Variants in POLR2D observed in about 807,000 individuals in gnomAD.
POLR2D encodes RNA polymerase II subunit D.
A neutral mutation model predicts 17.6 loss-of-function variants in POLR2D; 10 were observed. That is an observed-to-expected ratio of 0.57 (90% CI 0.35 to 0.96). POLR2D has a LOEUF of 0.96. Ranked by LOEUF, POLR2D falls within the 40% of genes least tolerant of loss-of-function variation. The pLI is 0.02. For synonymous variants in POLR2D, 52 were observed against 60.2 expected (o/e 0.86, Z 0.63); for missense variants, 126 against 176.4 (o/e 0.71, Z 1.62).
intron 1 of POLR2D, among the ~76,000 whole-genome samples, chr2:127,855,001 C>CA (rs58280789): frequency 0.13 from 9,287 of 69,616 alleles, 459 homozygotes; most frequent in African/African-American, 0.17. Context: ...GACATCAGGC[C>CA]AAAAAAAAAA....
At chr2:127,851,390 A>G (rs1032444228) in intron 2 of POLR2D, among the ~76,000 whole-genome samples, 1 of 152,108 alleles carries the variant, frequency 6.6e-6, no homozygotes, top group Non-Finnish European at 1.5e-5. Flanking sequence ...CTACACTCCA[A>G]TCTGGGTGAT....
Position 127,844,034 on chromosome 2 carries a change from A to G in POLR2D, c.*4073T>C, listed in dbSNP as rs774448498. 1 of 146,188 alleles carries G rather than the reference A, an allele frequency of 6.8e-6. No individual in the cohort carries two copies. The allele number at this position is 146,188 out of a possible 1,614,324, so 9.1% of individuals were successfully genotyped here. ...TGGGATGATCGCTGGAGAGTGGGAG[A>G]TTGAGGCTGCAGTGAACCTTAATCA... On this transcript the variant is annotated 3_prime_UTR_variant, in exon 4 of 4. Transcript: ENST00000272645.
chr2:127,845,907 A>G lies in POLR2D; in HGVS notation c.*2200T>C, dbSNP rs1690146000. On this transcript the variant is annotated 3_prime_UTR_variant, in exon 4 of 4. Coordinates refer to ENST00000272645, the MANE Select transcript of POLR2D (RefSeq NM_004805.4). ...TCAAAATACCCATGGGGCAGATACT[A>G]TTATCCATATTTCACAATTGAGAAC... The G allele has an allele frequency of 6.6e-6, 1 of 152,214 alleles. No individual in the cohort carries two copies. Among genetic ancestry groups the G allele is most frequent in the Non-Finnish European group, 1.5e-5 (1 of 68,040 alleles). 9.4% of individuals were successfully genotyped at this position (152,214 alleles called of 1,614,324 possible). A position where few individuals can be genotyped will look rare whatever the true frequency, so the allele number is the denominator to read the frequency against.
At chr2:127,855,802 TACAC>T (rs3836128) in intron 1 of POLR2D, among the ~76,000 whole-genome samples, 20 of 151,184 alleles carry the variant, frequency 1.3e-4, no homozygotes, top group African/African-American at 3.2e-4. Context: ...CGCGCGCACA[TACAC>T]ACACACACAC....
rs1011920176 is a variant in POLR2D at position 127,847,891 on chromosome 2, G to C, written c.*216C>G. 13 of 561,682 alleles carry C rather than the reference G, an allele frequency of 2.3e-5. No homozygotes were observed. The highest frequency in any genetic ancestry group is 4.7e-4 in the Middle Eastern group (1 of 2,122). The allele number at this position is 561,682 out of a possible 1,614,324, so 34.8% of individuals were successfully genotyped here. On this transcript the variant is annotated 3_prime_UTR_variant, in exon 4 of 4. Coordinates refer to ENST00000272645, the MANE Select transcript of POLR2D (RefSeq NM_004805.4). ...CAGAGGCACGTTCAGGAAGCCACTG[G>C]CTGCCACTGCACAAGGCTGCTCCAA...
At chr2:127,856,678 TAATA>T (rs1270264006) in intron 1 of POLR2D, among the ~76,000 whole-genome samples, 1 of 152,064 alleles carries the variant, frequency 6.6e-6, no homozygotes, top group Non-Finnish European at 1.5e-5. Context: ...AAAAAACACA[TAATA>T]AACATTTTTT....
At chr2:127,857,364 T>C (rs940385792) in intron 1 of POLR2D, among the ~76,000 whole-genome samples, 6 of 152,154 alleles carry the variant, frequency 3.9e-5, no homozygotes, top group African/African-American at 1.2e-4. Context: ...GCTGTATACA[T>C]TTTCAAGTTT....
In POLR2D at chr2:127,855,634, AC is replaced by A. The variant is rs532858039; in HGVS notation, c.73+2393del. Among the ~76,000 whole-genome samples the A allele has an allele frequency of 8.5e-5, 13 of 152,318 alleles. No homozygotes were observed. In the East Asian group the frequency reaches 2.5e-3, roughly 29 times the overall value. On this transcript the variant is annotated intron_variant, in intron 1 of 3. Coordinates refer to ENST00000272645, the MANE Select transcript of POLR2D (RefSeq NM_004805.4). ...CCTAGGAAAGTGGTGTCTGAGACCT[AC>A]CACAGAGCTTTTGGGAGGCATTCCC...
rs749461675 is a variant in POLR2D, at chr2:127,847,051, C to T, written c.*1056G>A. On this transcript the variant is annotated 3_prime_UTR_variant, in exon 4 of 4. Coordinates refer to ENST00000272645, the MANE Select transcript of POLR2D (RefSeq NM_004805.4). ...GAACAGTGCACACCTGGTTGTGGACCTCTTTGGCACGACCATTGCTTCTTC... is the reference window on the plus strand; with the variant it reads ...GAACAGTGCACACCTGGTTGTGGACTTCTTTGGCACGACCATTGCTTCTTC... 1 of 152,536 alleles carries T rather than the reference C, an allele frequency of 6.6e-6. No homozygotes were observed. The highest frequency in any genetic ancestry group is 2.4e-5 in the African/African-American group (1 of 41,408). 9.4% of individuals were successfully genotyped at this position (152,536 alleles called of 1,614,324 possible). A position where few individuals can be genotyped will look rare whatever the true frequency, so the allele number is the denominator to read the frequency against.
At position 127,847,983 on chromosome 2, in the gene POLR2D, G is replaced by A; in HGVS notation, c.*124C>T. 1 of 760,724 alleles carries A rather than the reference G, an allele frequency of 1.3e-6. No homozygotes were observed. The highest frequency in any genetic ancestry group is 1.5e-5 in the South Asian group (1 of 68,456). 47.1% of individuals were successfully genotyped at this position (760,724 alleles called of 1,614,324 possible). On this transcript the variant is annotated 3_prime_UTR_variant, in exon 4 of 4. Coordinates refer to ENST00000272645, the MANE Select transcript of POLR2D (RefSeq NM_004805.4). ...ACCTAACCCCACGCCAAGCTGGGCT[G>A]TTTTCTCCAAAGGAATTCTCAACTG...
rs1690179340 is a variant in POLR2D, at chr2:127,847,728, C to T, written c.*379G>A. On this transcript the variant is annotated 3_prime_UTR_variant, in exon 4 of 4. Transcript: ENST00000272645. ...GGTCTTTCTCTATAAAGTCTACTAT[C>T]TTCTGGTCTAGTTTCAAAAAGTATA... 4.6e-6 allele frequency: 1 copy of T among 216,530 alleles called. No individual in the cohort carries two copies. The highest frequency in any genetic ancestry group is 2.4e-5 in the African/African-American group (1 of 41,920). The allele number at this position is 216,530 out of a possible 1,614,324, so 13.4% of individuals were successfully genotyped here. A position where few individuals can be genotyped will look rare whatever the true frequency, so the allele number is the denominator to read the frequency against.
At chr2:127,850,968 C>G (rs1690242944) in intron 2 of POLR2D, among the ~76,000 whole-genome samples, 1 of 152,142 alleles carries the variant, frequency 6.6e-6, no homozygotes, top group South Asian at 2.1e-4. Flanking sequence ...CGCCTGTAAT[C>G]CCAGCACTTT....
chr2:127,845,212 CCT>C lies in POLR2D; in HGVS notation c.*2893_*2894del, dbSNP rs1690130910. 6.6e-6 allele frequency: 1 copy of C among 152,130 alleles called. No individual in the cohort carries two copies. Among genetic ancestry groups the C allele is most frequent in the Admixed American group, 6.6e-5 (1 of 15,242 alleles). The allele number at this position is 152,130 out of a possible 1,614,324, so 9.4% of individuals were successfully genotyped here. A position where few individuals can be genotyped will look rare whatever the true frequency, so the allele number is the denominator to read the frequency against. Reference sequence around the variant, plus strand: ...TAGTGCCAATCAGCACATGTAAGTGCCTCTCTCAAGAAATAATTCTGCAGTAC... The same window carrying C: ...TAGTGCCAATCAGCACATGTAAGTGCCTCTCAAGAAATAATTCTGCAGTAC... On this transcript the variant is annotated 3_prime_UTR_variant, in exon 4 of 4. Transcript: ENST00000272645.
At position 127,852,261 on chromosome 2, in the gene POLR2D, C is replaced by G. The variant is rs1489403840; in HGVS notation, c.254+664G>C. ...CATACTGGACTTACACAAAATATGA[C>G]AGATTCATATTTGAATCTGTTCCCA... On this transcript the variant is annotated intron_variant, in intron 2 of 3. Transcript: ENST00000272645. The surrounding 1 kb of genome is among the most constrained non-coding windows in gnomAD (Gnocchi z 4.0). 1.3e-5 allele frequency among the ~76,000 whole-genome samples: 2 copies of G among 152,154 alleles called. No individual in the cohort carries two copies. Among genetic ancestry groups the G allele is most frequent in the Non-Finnish European group, 2.9e-5 (2 of 68,022 alleles).
intron 1 of POLR2D, among the ~76,000 whole-genome samples, chr2:127,856,290 C>CAAAAA (rs61249327): frequency 0.12 from 3,026 of 25,336 alleles, 521 homozygotes; most frequent in Middle Eastern, 0.18. Context: ...GATCCCGTCT[C>CAAAAA]AAAAAAAAAA....
chr2:127,848,762 C>T (rs79271100), intron 3 of POLR2D, among the ~76,000 whole-genome samples: 12,787 of 152,140 alleles, frequency 0.084, 621 homozygotes, highest in Middle Eastern at 0.22. Context: ...GTGATCCGCC[C>T]GCCTCAGCCT....
chr2:127,856,290 CA>C (rs61249327), intron 1 of POLR2D, among the ~76,000 whole-genome samples: 8 of 25,406 alleles, frequency 3.1e-4, no homozygotes, highest in Admixed American at 9.4e-4. Flanking sequence ...GATCCCGTCT[CA>C]AAAAAAAAAA....
In POLR2D at chr2:127,850,827, C is replaced by T. The variant is rs1302064608; in HGVS notation, c.255-142G>A. 39 of 593,490 alleles carry T rather than the reference C, an allele frequency of 6.6e-5. No individual in the cohort carries two copies. The Admixed American group carries it at 1.1e-3, about 16-fold the overall frequency. The allele number at this position is 593,490 out of a possible 1,614,324, so 36.8% of individuals were successfully genotyped here. A position where few individuals can be genotyped will look rare whatever the true frequency, so the allele number is the denominator to read the frequency against. On this transcript the variant is annotated intron_variant, in intron 2 of 3. Coordinates refer to ENST00000272645, the MANE Select transcript of POLR2D (RefSeq NM_004805.4). ...GACGGCCAGGTGTAGTGGCTCACAC[C>T]TGTAATTCCAGCACTCTGAGAGGCC...
At chr2:127,854,285 C>T (rs758619543) in intron 1 of POLR2D, among the ~76,000 whole-genome samples, 2 of 152,154 alleles carry the variant, frequency 1.3e-5, no homozygotes, top group Non-Finnish European at 2.9e-5. Context: ...CTCTCCCTTA[C>T]GTTCCTGCAG....
Sources: allele counts gnomAD v4.1 joint callset (sites outside exome capture counted in the v4.1 genomes callset), GRCh38; gene constraint gnomAD v4.1.1; non-coding constraint Gnocchi (gnomAD v3.1); transcripts MANE v1.5; gene names NCBI Gene and HGNC (gene_info 2026-07-23, HGNC 2026-07-21).